WDR72: variants seen among roughly 807,000 people sequenced by gnomAD.
The protein encoded by WDR72 is WD repeat domain 72.
In WDR72, 120 loss-of-function variants were observed where a neutral mutation model predicts 124.2. That is an observed-to-expected ratio of 0.97 (90% CI 0.83 to 1.12). The LOEUF (loss-of-function observed/expected upper bound fraction) is 1.12, where lower values mean the gene tolerates loss of function less well. Ranked by LOEUF, WDR72 falls within the 50% of genes most tolerant of loss-of-function variation. WDR72 has a pLI of 0.00. For missense variants in WDR72, 1,387 were observed against 1,278.8 expected (o/e 1.08, Z -1.29); for synonymous variants, 452 against 441.7 (o/e 1.02, Z -0.29).
At chr15:53,525,434 T>C (rs763679284) in intron 18 of WDR72, among the ~76,000 whole-genome samples, 7 of 152,104 alleles carry the variant, frequency 4.6e-5, no homozygotes, top group Non-Finnish European at 4.4e-5. Flanking sequence ...TATTCTTTCA[T>C]AATTTAAAAA....
rs527466622 is a variant in WDR72, at chr15:53,579,693, A to T, written c.3148+17386T>A. On this transcript the variant is annotated intron_variant, in intron 18 of 19. Transcript: ENST00000360509. ...AGCCTCAGTTTTCTTGGCAGGAAGA[A>T]CAAAGGGCTCAGACTCAATGACCTG... Among the ~76,000 whole-genome samples the T allele has an allele frequency of 4.8e-4, 73 of 152,244 alleles. 1 individual carries two copies. In the South Asian group the frequency reaches 7.0e-3, roughly 15 times the overall value.
intron 15 of WDR72, 56 bp downstream of exon 15, chr15:53,615,370 A>G: frequency 1.5e-6 from 2 of 1,338,964 alleles, no homozygotes; most frequent in Non-Finnish European, 2.1e-6. Context: ...GCAAATAATG[A>G]TATATATTTT....
intron 18 of WDR72, among the ~76,000 whole-genome samples, chr15:53,559,162 C>CT (rs746493702): frequency 1.3e-3 from 184 of 137,332 alleles, no homozygotes; most frequent in African/African-American, 4.2e-3. Context: ...ATTGGCATTT[C>CT]TTTTTTTTTT....
At position 53,601,689 on chromosome 15, in the gene WDR72, T is replaced by A. The variant is rs527239114; in HGVS notation, c.2953-4415A>T. Among the ~76,000 whole-genome samples, 10 of 152,216 alleles carry A rather than the reference T, an allele frequency of 6.6e-5. No individual in the cohort carries two copies. The East Asian group carries it at 1.9e-3, about 29-fold the overall frequency. ...AAAAAGGAAAAAGCAGGGGTTGCAA[T>A]CCTAGTTTCTGACAAAACAGACTTT... On this transcript the variant is annotated intron_variant, in intron 17 of 19. Transcript: ENST00000360509.
intron 1 of WDR72, among the ~76,000 whole-genome samples, chr15:53,750,547 C>T (rs2018748735): frequency 6.6e-6 from 1 of 152,198 alleles, no homozygotes; most frequent in Non-Finnish European, 1.5e-5. Context: ...TTTTGACTTT[C>T]AACTCTTACT....
chr15:53,542,943 A>T (rs1197987033), intron 18 of WDR72, among the ~76,000 whole-genome samples: 111 of 150,756 alleles, frequency 7.4e-4, no homozygotes, highest in African/African-American at 2.7e-3. Flanking sequence ...AGAAGAGCTA[A>T]CTATCCTAAA....
At chr15:53,597,948 A>G (rs1362801828) in intron 17 of WDR72, among the ~76,000 whole-genome samples, 1 of 152,128 alleles carries the variant, frequency 6.6e-6, no homozygotes, top group Non-Finnish European at 1.5e-5. Context: ...AAGCTTACAC[A>G]GACTTGGTGG....
At chr15:53,619,576 C>T (rs2140373880) in intron 14 of WDR72, among the ~76,000 whole-genome samples, 1 of 152,030 alleles carries the variant, frequency 6.6e-6, no homozygotes, top group Admixed American at 6.6e-5. Context: ...AAAAATATTG[C>T]TCATCTTGGT....
chr15:53,568,152 G>A (rs1201660539), intron 18 of WDR72, among the ~76,000 whole-genome samples: 1 of 149,094 alleles, frequency 6.7e-6, no homozygotes, highest in African/African-American at 2.5e-5. Context: ...TTAAAAATAG[G>A]TAAATTTAAA....
intron 14 of WDR72, among the ~76,000 whole-genome samples, chr15:53,655,926 T>C (rs1420362654): frequency 6.6e-6 from 1 of 152,130 alleles, no homozygotes; most frequent in Middle Eastern, 3.2e-3. Context: ...CTCCTGACCT[T>C]GTGATCCACC....
intron 14 of WDR72, among the ~76,000 whole-genome samples, chr15:53,652,591 G>A (rs535996254): frequency 1.3e-5 from 2 of 152,184 alleles, no homozygotes; most frequent in Non-Finnish European, 2.9e-5. Flanking sequence ...CTGGCTTCAG[G>A]GGTTTTGTAT....
At chr15:53,757,283 T>C (rs866475070) in intron 1 of WDR72, among the ~76,000 whole-genome samples, 1 of 151,996 alleles carries the variant, frequency 6.6e-6, no homozygotes, top group Non-Finnish European at 1.5e-5. Flanking sequence ...ACCATACATA[T>C]AGAAAAGGCC....
In WDR72 at chr15:53,705,066, C is replaced by T; in HGVS notation, c.1270G>A (p.Glu424Lys). The T allele has an allele frequency of 1.9e-6, 3 of 1,614,038 alleles. No individual in the cohort carries two copies. The highest frequency in any genetic ancestry group is 1.1e-5 in the South Asian group (1 of 91,070). Residue 424 changes from glutamate to lysine, a missense_variant, in exon 11 of 20, where the codon GAA (glutamate) becomes AAA (lysine). By Grantham distance (56) the Glu-to-Lys change is moderately conservative. Transcript: ENST00000360509. ...TGGGTAATGATAATTGTCCCATCTT[C>T]ACAGCCACATATTAGTTTATCAAGA... Reference protein sequence around the residue: ...PSLDKLICGCEDGTIIITQAL... With the variant: ...PSLDKLICGCKDGTIIITQAL...
intron 18 of WDR72, among the ~76,000 whole-genome samples, chr15:53,576,313 C>A (rs879479738): frequency 3.9e-5 from 6 of 152,126 alleles, no homozygotes; most frequent in Admixed American, 3.3e-4. Context: ...CTGTTAGCAT[C>A]TTTCACAGAC....
intron 18 of WDR72, among the ~76,000 whole-genome samples, chr15:53,571,476 C>G: frequency 6.6e-6 from 1 of 152,014 alleles, no homozygotes; most frequent in Non-Finnish European, 1.5e-5. Flanking sequence ...TGGTATTTGT[C>G]TTTCTGTACC....
At chr15:53,713,740 G>T (rs1303427223) in intron 6 of WDR72, among the ~76,000 whole-genome samples, 1 of 152,088 alleles carries the variant, frequency 6.6e-6, no homozygotes, top group Non-Finnish European at 1.5e-5. Context: ...TTACAGGCGT[G>T]AGCCACTGTG....
Position 53,714,441 on chromosome 15 carries a change from C to G in WDR72, c.584G>C (p.Ser195Thr). ...KVWDLSSSIN[S>T]IQEKQDVYEK... ...TAGGGTTCCCAAGCCAACCTGAATGCTGTTGATAGATGAGGAAAGATCCCA... is the reference window on the plus strand; with the variant it reads ...TAGGGTTCCCAAGCCAACCTGAATGGTGTTGATAGATGAGGAAAGATCCCA... Residue 195 changes from serine to threonine, a missense_variant, in exon 6 of 20, where the codon AGC (serine) becomes ACC (threonine). Coordinates refer to ENST00000360509, the MANE Select transcript of WDR72 (RefSeq NM_182758.4). 1 of 1,613,356 alleles carries G rather than the reference C, an allele frequency of 6.2e-7. No homozygotes were observed. The highest frequency in any genetic ancestry group is 8.5e-7 in the Non-Finnish European group (1 of 1,179,500).
At chr15:53,657,119 C>T (rs1006754425) in intron 14 of WDR72, among the ~76,000 whole-genome samples, 9 of 151,460 alleles carry the variant, frequency 5.9e-5, no homozygotes, top group African/African-American at 2.2e-4. Flanking sequence ...AAAAAATTAG[C>T]CGGTTGTGGT....
At chr15:53,762,244 G>C (rs1661147361), upstream of WDR72, among the ~76,000 whole-genome samples, 1 of 152,130 alleles carries the variant, frequency 6.6e-6, no homozygotes, top group Admixed American at 6.5e-5. Flanking sequence ...CTTCCTGCAT[G>C]CAGTGTTTCC....
Sources: gnomAD v4.1 joint callset for allele counts (sites outside exome capture counted in the v4.1 genomes callset) on GRCh38, gnomAD v4.1.1 for gene constraint, MANE v1.5 for transcripts, NCBI Gene and HGNC (gene_info 2026-07-23, HGNC 2026-07-21) for gene names.